Variants in PBX1 observed in about 807,000 individuals in gnomAD.
The protein encoded by PBX1 is pre-B-cell leukemia transcription factor 1.
A neutral mutation model predicts 53.4 loss-of-function variants in PBX1; 6 were observed. That is an observed-to-expected ratio of 0.11 (90% CI 0.06 to 0.22). The LOEUF (loss-of-function observed/expected upper bound fraction) is 0.22, where lower values mean the gene tolerates loss of function less well. Ranked by LOEUF, PBX1 falls within the 10% of genes least tolerant of loss-of-function variation. The pLI, the probability that PBX1 is intolerant of heterozygous loss-of-function variation, is 1.00. For missense variants in PBX1, 251 were observed against 551.4 expected (o/e 0.46, Z 5.46); for synonymous variants, 204 against 212.3 (o/e 0.96, Z 0.34).
intron 2 of PBX1, among the ~76,000 whole-genome samples, chr1:164,681,845 T>A (rs560778176): frequency 1.5e-3 from 234 of 151,092 alleles, no homozygotes; most frequent in Admixed American, 3.4e-3. Flanking sequence ...TAAAAAAAAA[T>A]TAAACCCTTT....
chr1:164,672,086 A>T (rs1036159620), intron 2 of PBX1, among the ~76,000 whole-genome samples: 1 of 149,484 alleles, frequency 6.7e-6, no homozygotes, highest in Non-Finnish European at 1.5e-5. Context: ...CCACATATAC[A>T]GCCCTCCCTT....
chr1:164,690,530 G>T (rs576434589), intron 2 of PBX1, among the ~76,000 whole-genome samples: 1 of 151,886 alleles, frequency 6.6e-6, no homozygotes, highest in Non-Finnish European at 1.5e-5. Flanking sequence ...AGCATGGGAG[G>T]CCGAAGCAGA....
intron 2 of PBX1, among the ~76,000 whole-genome samples, chr1:164,640,517 T>TA (rs969853702): frequency 2.4e-4 from 37 of 152,038 alleles, no homozygotes; most frequent in African/African-American, 8.7e-4. Context: ...AGTTTATAGT[T>TA]ATTTTCTGTG....
At chr1:164,870,224 T>G (rs547008497) in intron 2 of PBX1, among the ~76,000 whole-genome samples, 1 of 33,124 alleles carries the variant, frequency 3.0e-5, no homozygotes, top group Non-Finnish European at 6.3e-5. Context: ...TTTCTTTCCT[T>G]CCTTCCTTCC....
chr1:164,697,180 A>G (rs900046952), intron 2 of PBX1, among the ~76,000 whole-genome samples: 1 of 152,288 alleles, frequency 6.6e-6, no homozygotes. Flanking sequence ...TAAAGTATGT[A>G]TTTTCATTGT....
intron 2 of PBX1, among the ~76,000 whole-genome samples, chr1:164,665,478 C>T (rs917742333): frequency 1.3e-5 from 2 of 152,020 alleles, no homozygotes; most frequent in African/African-American, 2.4e-5. Flanking sequence ...ATAGAGACAG[C>T]GTTTCACCAT....
At chr1:164,841,828 A>T (rs1164684600) in intron 8 of PBX1, among the ~76,000 whole-genome samples, 1 of 152,034 alleles carries the variant, frequency 6.6e-6, no homozygotes, top group East Asian at 1.9e-4. Flanking sequence ...GGCCGTTCCC[A>T]ACAGTGACTG....
At chr1:164,665,832 C>T (rs1660774410) in intron 2 of PBX1, among the ~76,000 whole-genome samples, 1 of 152,178 alleles carries the variant, frequency 6.6e-6, no homozygotes, top group South Asian at 2.1e-4. Context: ...CTAAATTAAA[C>T]TGCTGCTTTT....
At chr1:164,825,312 TCACAGA>T (rs1670400581) in intron 8 of PBX1, among the ~76,000 whole-genome samples, 1 of 152,176 alleles carries the variant, frequency 6.6e-6, no homozygotes, top group Non-Finnish European at 1.5e-5. Context: ...CTCTACTTTA[TCACAGA>T]CACACATTTT....
At chr1:164,583,606 G>T (rs979233777) in intron 2 of PBX1, among the ~76,000 whole-genome samples, 4 of 152,204 alleles carry the variant, frequency 2.6e-5, no homozygotes, top group African/African-American at 9.7e-5. Context: ...GGCCAGGAGG[G>T]ACAGTCCCTG....
At chr1:164,754,258 G>A (rs1666386152) in intron 2 of PBX1, among the ~76,000 whole-genome samples, 1 of 152,190 alleles carries the variant, frequency 6.6e-6, no homozygotes, top group Non-Finnish European at 1.5e-5. Flanking sequence ...TCACTTTAGA[G>A]TGTTTCTTTT....
intron 5 of PBX1, 114 bp downstream of exon 5, chr1:164,807,791 T>G: frequency 8.2e-7 from 1 of 1,218,968 alleles, no homozygotes. Flanking sequence ...TTCCATCAGC[T>G]ATAGCCTTAA....
intron 2 of PBX1, among the ~76,000 whole-genome samples, chr1:164,659,133 A>G (rs890587902): frequency 6.6e-6 from 1 of 152,210 alleles, no homozygotes; most frequent in Non-Finnish European, 1.5e-5. Context: ...TGTCACATGG[A>G]CACAGAGAGG....
chr1:164,571,712 G>A (rs1360141808), intron 2 of PBX1, among the ~76,000 whole-genome samples: 2 of 151,304 alleles, frequency 1.3e-5, no homozygotes, highest in African/African-American at 4.9e-5. Flanking sequence ...ATGAATATAT[G>A]TTTTCATTTC....
chr1:164,579,140 C>CT (rs1654448674), intron 2 of PBX1, among the ~76,000 whole-genome samples: 1 of 152,194 alleles, frequency 6.6e-6, no homozygotes, highest in South Asian at 2.1e-4. Flanking sequence ...AAATTTACCT[C>CT]TGTGCTCCAG....
intron 2 of PBX1, among the ~76,000 whole-genome samples, chr1:164,651,099 G>C (rs1428815785): frequency 6.6e-6 from 1 of 152,016 alleles, no homozygotes; most frequent in Non-Finnish European, 1.5e-5. Context: ...TGATGAATTC[G>C]GTTTCCACCA....
At chr1:164,606,470 T>C (rs893109453) in intron 2 of PBX1, among the ~76,000 whole-genome samples, 1 of 152,022 alleles carries the variant, frequency 6.6e-6, no homozygotes, top group Non-Finnish European at 1.5e-5. Flanking sequence ...GAGGCGGAGG[T>C]TGCAGTGAGC....
At chr1:164,715,548 T>C (rs2102087584) in intron 2 of PBX1, among the ~76,000 whole-genome samples, 1 of 152,292 alleles carries the variant, frequency 6.6e-6, no homozygotes, top group East Asian at 1.9e-4. Flanking sequence ...GACAGGACCA[T>C]GCTGGGGGAC....
chr1:164,638,636 A>G (rs1658934003), intron 2 of PBX1, among the ~76,000 whole-genome samples: 1 of 152,202 alleles, frequency 6.6e-6, no homozygotes, highest in Admixed American at 6.5e-5. Context: ...GAGCGTGACT[A>G]CTGATTGTTC....
Sources: allele counts gnomAD v4.1 joint callset (sites outside exome capture counted in the v4.1 genomes callset), GRCh38; gene constraint gnomAD v4.1.1; transcripts MANE v1.5; gene names NCBI Gene and HGNC (gene_info 2026-07-23, HGNC 2026-07-21).